The following TCEA1 variants were observed in gnomAD, a reference collection of about 807,000 sequenced individuals.
TCEA1 encodes transcription elongation factor A1.
A neutral mutation model predicts 43.8 loss-of-function variants in TCEA1; 21 were observed. The observed-to-expected ratio is 0.48, with a 90% confidence interval of 0.34 to 0.69. The LOEUF is 0.69. Among genes scored for constraint, TCEA1 ranks in the 30% least tolerant of loss-of-function variants. The pLI is 0.01. For missense variants in TCEA1, 250 were observed against 365.1 expected (o/e 0.68, Z 2.57); for synonymous variants, 104 against 117.5 (o/e 0.88, Z 0.75).
At position 54,010,423 on chromosome 8, in the gene TCEA1, C is replaced by T. The variant is rs199636832; in HGVS notation, c.126+7G>A. 184 of 1,598,752 alleles carry T rather than the reference C, an allele frequency of 1.2e-4. 2 individuals are homozygous for T. The highest frequency in any genetic ancestry group is 4.0e-4 in the South Asian group (35 of 87,348). On this transcript the variant is annotated splice_region_variant and intron_variant, in intron 2 of 9. Coordinates refer to ENST00000521604, the MANE Select transcript of TCEA1 (RefSeq NM_006756.4). ...TTAAAAAAACTTTGATGCATAAAAG[C>T]ACATACCTGCAGTAATTCCAGGGTC...
rs754537318 is a variant in TCEA1 at position 53,996,903 on chromosome 8, C to CTTTTTTTTTTTTTTTTTTTTTTTT, written c.232+3041_232+3042insAAAAAAAAAAAAAAAAAAAAAAAA. 4.3e-5 allele frequency among the ~76,000 whole-genome samples: 5 copies of CTTTTTTTTTTTTTTTTTTTTTTTT among 116,626 alleles called. 1 individual carries two copies. Among genetic ancestry groups the CTTTTTTTTTTTTTTTTTTTTTTTT allele is most frequent in the Admixed American group, 9.0e-5 (1 of 11,080 alleles). The allele number at this position is 116,626 out of a possible 152,430, so 76.5% of individuals were successfully genotyped here. A position where few individuals can be genotyped will look rare whatever the true frequency, so the allele number is the denominator to read the frequency against. ...AGCTAAGGGGTAAAAAGAAGGTTGT[C>CTTTTTTTTTTTTTTTTTTTTTTTT]TTTTTTTTTTTTTTTAGACAGACTC... On this transcript the variant is annotated intron_variant, in intron 3 of 9. Transcript: ENST00000521604.
At chr8:53,969,243 T>G (rs933464925) in intron 9 of TCEA1, among the ~76,000 whole-genome samples, 1 of 152,164 alleles carries the variant, frequency 6.6e-6, no homozygotes, top group Non-Finnish European at 1.5e-5. Context: ...TGAGCTGAGA[T>G]AGCGCCACTG....
intron 1 of TCEA1, among the ~76,000 whole-genome samples, chr8:54,011,568 T>C (rs908979392): frequency 3.9e-5 from 6 of 152,248 alleles, no homozygotes. Context: ...TATGTGTACC[T>C]ATCCTGCTTT....
At chr8:53,979,828 A>G (rs1413787877) in intron 7 of TCEA1, among the ~76,000 whole-genome samples, 1 of 151,962 alleles carries the variant, frequency 6.6e-6, no homozygotes, top group Non-Finnish European at 1.5e-5. Context: ...TTTCAGACTG[A>G]CCCCTCCAGA....
Position 53,967,723 on chromosome 8 carries a change from A to T in TCEA1, c.*381T>A, listed in dbSNP as rs975879119. 6.2e-4 allele frequency: 142 copies of T among 227,772 alleles called. No homozygotes were observed. Among genetic ancestry groups the T allele is most frequent in the Non-Finnish European group, 1.1e-3 (126 of 115,568 alleles). The allele number at this position is 227,772 out of a possible 1,614,324, so 14.1% of individuals were successfully genotyped here. On this transcript the variant is annotated 3_prime_UTR_variant, in exon 10 of 10. Coordinates refer to ENST00000521604, the MANE Select transcript of TCEA1 (RefSeq NM_006756.4). ...TAGCTACATGCCAATATGGAAAAAAATGTATTTTCATTTATGTATTAATAA... is the reference window on the plus strand; with the variant it reads ...TAGCTACATGCCAATATGGAAAAAATTGTATTTTCATTTATGTATTAATAA...
In TCEA1 at chr8:53,988,204, A is replaced by C; in HGVS notation, c.376T>G (p.Tyr126Asp). 6.8e-6 allele frequency: 11 copies of C among 1,613,470 alleles called. No homozygotes were observed. The highest frequency in any genetic ancestry group is 9.3e-6 in the Non-Finnish European group (11 of 1,179,674). Reference sequence around the variant, plus strand: ...GGTGCCCGAGGAAAGGATGAAACATAAGTATCTCGAGCATTTGTCTCATCC... The same window carrying C: ...GGTGCCCGAGGAAAGGATGAAACATCAGTATCTCGAGCATTTGTCTCATCC... ...RKDETNARDT[Y>D]VSSFPRAPST... Residue 126 changes from tyrosine to aspartate, a missense_variant, in exon 5 of 10, where the codon TAT becomes GAT. Around this residue, in one of 4 missense-constraint regions of TCEA1, gnomAD observed 147 missense variants for 160.3 expected, o/e 0.92. Transcript: ENST00000521604.
At chr8:53,986,919 AAAT>A in intron 6 of TCEA1, 47 bp downstream of exon 6, 1 of 1,437,606 alleles carries the variant, frequency 7.0e-7, no homozygotes, top group Non-Finnish European at 9.4e-7. Context: ...TATGTTCAAT[AAAT>A]ATTACTTATT....
At chr8:53,998,470 G>T (rs1269066079) in intron 3 of TCEA1, among the ~76,000 whole-genome samples, 2 of 152,062 alleles carry the variant, frequency 1.3e-5, no homozygotes, top group Non-Finnish European at 2.9e-5. Context: ...CCCTACTTGA[G>T]GCAGGGGACC....
intron 2 of TCEA1, among the ~76,000 whole-genome samples, chr8:54,002,068 C>G (rs1215567291): frequency 6.6e-6 from 1 of 151,610 alleles, no homozygotes; most frequent in African/African-American, 2.4e-5. Flanking sequence ...ACTCGGGAGG[C>G]TGAGACAGAA....
At position 54,016,690 on chromosome 8, in the gene TCEA1, T is replaced by G. The variant is rs1804839453; in HGVS notation, c.63+5373A>C. Among the ~76,000 whole-genome samples, 3 of 151,626 alleles carry G rather than the reference T, an allele frequency of 2.0e-5. No individual in the cohort carries two copies. The South Asian group carries it at 6.3e-4, about 32-fold the overall frequency. On this transcript the variant is annotated intron_variant, in intron 1 of 9. Coordinates refer to ENST00000521604, the MANE Select transcript of TCEA1 (RefSeq NM_006756.4). Reference sequence around the variant, plus strand: ...CCTGTCTCTACTAAAAATACAAAAATCAGGCCAGGCGGTGTGGCTCACGCG... The same window carrying G: ...CCTGTCTCTACTAAAAATACAAAAAGCAGGCCAGGCGGTGTGGCTCACGCG...
At chr8:53,997,100 G>A (rs1171898169) in intron 3 of TCEA1, among the ~76,000 whole-genome samples, 1 of 151,774 alleles carries the variant, frequency 6.6e-6, no homozygotes, top group Non-Finnish European at 1.5e-5. Flanking sequence ...AGTAGAGATG[G>A]GGTTTCACCG....
At chr8:53,989,481 A>G (rs1157806844) in intron 4 of TCEA1, among the ~76,000 whole-genome samples, 1 of 152,230 alleles carries the variant, frequency 6.6e-6, no homozygotes, top group African/African-American at 2.4e-5. Flanking sequence ...TAAACTTCAC[A>G]AACAGGTGCC....
In TCEA1 at chr8:53,984,402, C is replaced by T. The variant is rs756739095; in HGVS notation, c.639G>A (p.Gly213=). 1 of 1,605,420 alleles carries T rather than the reference C, an allele frequency of 6.2e-7. No homozygotes were observed. The highest frequency in any genetic ancestry group is 2.2e-5 in the East Asian group (1 of 44,810). Residue 213 remains glycine, a synonymous_variant, in exon 7 of 10, where the codon GGG becomes GGA. Transcript: ENST00000521604. ...NPNLRKNVLC[G]NIPPDLFARM... ...TAGCAAATAAGTCAGGAGGAATATT[C>T]CCACAGAGGACATTTTTCCTTAAAT...
intron 4 of TCEA1, among the ~76,000 whole-genome samples, chr8:53,991,981 A>G (rs905862052): frequency 6.6e-6 from 1 of 152,110 alleles, no homozygotes; most frequent in African/African-American, 2.4e-5. Context: ...ATATTGAGAA[A>G]CAAAGTTAAA....
intron 1 of TCEA1, among the ~76,000 whole-genome samples, chr8:54,014,990 G>A (rs1160021158): frequency 6.6e-6 from 1 of 152,102 alleles, no homozygotes; most frequent in South Asian, 2.1e-4. Flanking sequence ...TGGTTGATGA[G>A]GAGTACAAAA....
At chr8:53,998,976 C>G (rs1804158137) in intron 3 of TCEA1, among the ~76,000 whole-genome samples, 1 of 151,996 alleles carries the variant, frequency 6.6e-6, no homozygotes, top group Admixed American at 6.5e-5. Flanking sequence ...CGCCTGTAAT[C>G]CCAGCACTTT....
chr8:53,968,494 T>A (rs540259395), intron 9 of TCEA1, among the ~76,000 whole-genome samples: 30 of 152,272 alleles, frequency 2.0e-4, no homozygotes, highest in African/African-American at 7.0e-4. Context: ...AAAACTTGTG[T>A]CACAAAGTGC....
intron 3 of TCEA1, among the ~76,000 whole-genome samples, chr8:53,997,838 G>A (rs978738298): frequency 1.3e-5 from 2 of 152,132 alleles, no homozygotes; most frequent in African/African-American, 2.4e-5. Context: ...TTGGAGGTTA[G>A]CCTAGGCAAC....
chr8:53,988,722 G>A (rs555390221), intron 4 of TCEA1, among the ~76,000 whole-genome samples: 10 of 152,160 alleles, frequency 6.6e-5, no homozygotes, highest in African/African-American at 2.4e-4. Context: ...GTTCACACCA[G>A]AGAATGACAG....
Sources: allele counts gnomAD v4.1 joint callset (sites outside exome capture counted in the v4.1 genomes callset), GRCh38; gene constraint gnomAD v4.1.1; regional missense constraint gnomAD v4.1.1; transcripts MANE v1.5; gene names NCBI Gene and HGNC (gene_info 2026-07-23, HGNC 2026-07-21).